The following VASN variants were observed in gnomAD, a reference collection of about 807,000 sequenced individuals.
VASN encodes the protein protein slit-like 2.
VASN carries 5 observed loss-of-function variants against 4.8 expected under a neutral mutation model. The ratio of observed to expected loss-of-function variants is 1.03; its 90% confidence interval spans 0.54 to 2.17. The LOEUF (loss-of-function observed/expected upper bound fraction) is 2.17. VASN is among the 30% of genes most tolerant of loss of function. VASN has a pLI of 0.01. For synonymous variants in VASN, 499 were observed against 460.8 expected, an observed-to-expected ratio of 1.08 and a Z score of -1.06; for missense variants, 927 against 948.8, an observed-to-expected ratio of 0.98 and a Z score of 0.30.
At chr16:4,379,124 C>T (rs1395120575) in intron 1 of VASN, among the ~76,000 whole-genome samples, 1 of 151,928 alleles carries the variant, frequency 6.6e-6, no homozygotes, top group Non-Finnish European at 1.5e-5. Context: ...ACGGGTCCCC[C>T]CAGCCTGGGG....
Position 4,382,834 on chromosome 16 carries a change from G to A in VASN, c.1957G>A (p.Val653Met), listed in dbSNP as rs764710498. 1.8e-5 allele frequency: 29 copies of A among 1,598,808 alleles called. No homozygotes were observed. Among genetic ancestry groups the A allele is most frequent in the Non-Finnish European group, 2.5e-5 (29 of 1,173,908 alleles). Reference protein sequence around the residue: ...EALPSGSECEVPLMGFPGPGL... With the variant: ...EALPSGSECEMPLMGFPGPGL... Reference sequence around the variant, plus strand: ...CCTGCCCAGCGGGTCTGAGTGTGAGGTGCCACTCATGGGCTTCCCAGGGCC... The same window carrying A: ...CCTGCCCAGCGGGTCTGAGTGTGAGATGCCACTCATGGGCTTCCCAGGGCC... Residue 653 changes from valine (V) to methionine (M), a missense_variant, in exon 2 of 2, where the codon GTG (valine) becomes ATG (methionine). Transcript: ENST00000304735.
In VASN at chr16:4,382,718, A is replaced by C. The variant is rs1359301876; in HGVS notation, c.1841A>C (p.Gln614Pro). The change falls in exon 2 of 2, where the codon CAG becomes CCG. Residue 614 changes from glutamine (Q) to proline (P), a missense_variant. Gln to Pro is a moderately conservative substitution (Grantham distance 76). Coordinates refer to ENST00000304735, the MANE Select transcript of VASN (RefSeq NM_138440.3). ...GCAGCAGCGGCTCAGGACAAAGGGC[A>C]GGTGGGGCCAGGGGCTGGGCCCCTG... ...AMAAAAQDKG[Q>P]VGPGAGPLEL... 6.4e-7 allele frequency: 1 copy of C among 1,551,436 alleles called. No individual in the cohort carries two copies. The highest frequency in any genetic ancestry group is 1.4e-5 in the African/African-American group (1 of 73,272).
Position 4,381,763 on chromosome 16 carries a change from G to C in VASN, c.886G>C (p.Ala296Pro). Residue 296 changes from alanine (A) to proline (P), a missense_variant, in exon 2 of 2, where the codon GCC (alanine) becomes CCC (proline). Transcript: ENST00000304735. ...CCCCCGCCTGCGGCTGCTGGCAGCT[G>C]CCCGCAACCCCTTCAACTGCGTGTG... ...LFPRLRLLAA[A>P]RNPFNCVCPL... The C allele has an allele frequency of 6.2e-7, 1 of 1,602,206 alleles. No individual in the cohort carries two copies. Among genetic ancestry groups the C allele is most frequent in the Non-Finnish European group, 8.5e-7 (1 of 1,179,330 alleles).
Position 4,381,743 on chromosome 16 carries a change from G to T in VASN, c.866G>T (p.Arg289Leu). 1.2e-6 allele frequency: 2 copies of T among 1,604,152 alleles called. No individual in the cohort carries two copies. Among genetic ancestry groups the T allele is most frequent in the Non-Finnish European group, 8.5e-7 (1 of 1,179,352 alleles). ...GGCGACCTCTCGGGCCTCTTCCCCCGCCTGCGGCTGCTGGCAGCTGCCCGC... is the reference window on the plus strand; with the variant it reads ...GGCGACCTCTCGGGCCTCTTCCCCCTCCTGCGGCTGCTGGCAGCTGCCCGC... Reference protein sequence around the residue: ...LPGDLSGLFPRLRLLAAARNP... With the variant: ...LPGDLSGLFPLLRLLAAARNP... The change falls in exon 2 of 2, where the codon CGC becomes CTC. Residue 289 changes from arginine to leucine, a missense_variant. By Grantham distance (102) the Arg-to-Leu change is moderately radical (BLOSUM62 -2). Transcript: ENST00000304735.
chr16:4,378,929 G>A (rs962076770), intron 1 of VASN, among the ~76,000 whole-genome samples: 3 of 152,148 alleles, frequency 2.0e-5, no homozygotes, highest in Admixed American at 6.5e-5. Flanking sequence ...CTGGCAGTGC[G>A]ATACTACACG....
Position 4,383,057 on chromosome 16 carries a change from G to A in VASN, c.*158G>A, listed in dbSNP as rs1023628932. 6 of 795,352 alleles carry A rather than the reference G, an allele frequency of 7.5e-6. No individual in the cohort carries two copies. Among genetic ancestry groups the A allele is most frequent in the African/African-American group, 5.4e-5 (3 of 55,312 alleles). 49.3% of individuals were successfully genotyped at this position (795,352 alleles called of 1,614,324 possible). On this transcript the variant is annotated 3_prime_UTR_variant, in exon 2 of 2. Coordinates refer to ENST00000304735, the MANE Select transcript of VASN (RefSeq NM_138440.3). Reference sequence around the variant, plus strand: ...CTGGGCCCTGTTCCCTCTGGACCTCGGTCTCCTCATCTGTGAGATGCTGTG... The same window carrying A: ...CTGGGCCCTGTTCCCTCTGGACCTCAGTCTCCTCATCTGTGAGATGCTGTG...
At position 4,381,585 on chromosome 16, in the gene VASN, A is replaced by G. The variant is rs1311587057; in HGVS notation, c.708A>G (p.Arg236=). The G allele has an allele frequency of 6.2e-7, 1 of 1,603,546 alleles. No homozygotes were observed. Among genetic ancestry groups the G allele is most frequent in the African/African-American group, 1.3e-5 (1 of 74,702 alleles). The stretch of plus-strand genomic sequence containing the variant: ...TGGAGCGAGTGCCACCTGTGATCCG[A>G]GGCCTCCGGGGCCTGACGCGCCTGC... ...NQLERVPPVI[R]GLRGLTRLRL... Residue 236 remains arginine (R), a synonymous_variant, in exon 2 of 2, where the codon CGA becomes CGG. Transcript: ENST00000304735.
In VASN at chr16:4,380,955, C is replaced by G. The variant is rs548108879; in HGVS notation, c.78C>G (p.Ser26=). 7 of 1,600,634 alleles carry G rather than the reference C, an allele frequency of 4.4e-6. No homozygotes were observed. The Middle Eastern group carries it at 5.0e-4, about 114-fold the overall frequency. Residue 26 remains serine, a synonymous_variant, in exon 2 of 2, where the codon TCC becomes TCG. Coordinates refer to ENST00000304735, the MANE Select transcript of VASN (RefSeq NM_138440.3). ...GGCCTGGGGTGCAGGGCTGCCCATCCGGCTGCCAGTGCAGCCAGCCACAGA... is the reference window on the plus strand; with the variant it reads ...GGCCTGGGGTGCAGGGCTGCCCATCGGGCTGCCAGTGCAGCCAGCCACAGA... ...ALGPGVQGCP[S]GCQCSQPQTV...
In VASN at chr16:4,383,382, T is replaced by A. The variant is rs910949282; in HGVS notation, c.*483T>A. 29 of 169,006 alleles carry A rather than the reference T, an allele frequency of 1.7e-4. 1 individual carries two copies. Among genetic ancestry groups the A allele is most frequent in the South Asian group, 2.1e-4 (1 of 4,850 alleles). 10.5% of individuals were successfully genotyped at this position (169,006 alleles called of 1,614,324 possible). On this transcript the variant is annotated 3_prime_UTR_variant, in exon 2 of 2. Transcript: ENST00000304735. ...GCTTTAGGAACATGTTTTGCTTTTT[T>A]AAAATATATATATATTTATAAGAGA...
rs1429261366 is a variant in VASN, at chr16:4,380,835, C to T, written c.-9-34C>T. On this transcript the variant is annotated intron_variant, in intron 1 of 1. Transcript: ENST00000304735. ...GTCTGCCTTCTAGGCCCCTGACTCA[C>T]AGTCTTCTGTCTCTGCCTCCTCTCT... The T allele has an allele frequency of 2.1e-6, 3 of 1,436,734 alleles. No homozygotes were observed. The South Asian group carries it at 4.4e-5, about 21-fold the overall frequency. 89.0% of individuals were successfully genotyped at this position (1,436,734 alleles called of 1,614,324 possible).
rs758044 is a variant in VASN at position 4,381,201 on chromosome 16, A to G, written c.324A>G (p.Thr108=). The G allele has an allele frequency of 0.77, 1,242,295 of 1,610,932 alleles. 481,786 individuals carry two copies. The highest frequency in any genetic ancestry group is 0.81 in the East Asian group (36,141 of 44,690). The change falls in exon 2 of 2, where the codon ACA becomes ACG. Residue 108 remains threonine, a synonymous_variant. Coordinates refer to ENST00000304735, the MANE Select transcript of VASN (RefSeq NM_138440.3). ...CCAACCTCAGCAACCTGGACCTGAC[A>G]GCCAACAGGCTGCATGAAATCACCA... is the stretch of plus-strand genomic sequence containing the variant. ...PLANLSNLDL[T]ANRLHEITNE... is the part of the protein sequence containing the mutation.
Position 4,382,388 on chromosome 16 carries a change from C to T in VASN, c.1511C>T (p.Pro504Leu). ...LRLTYRNLSG[P>L]DKRLVTLRLP... is the part of the protein sequence containing the mutation. ...CTCACCTATCGCAACCTATCGGGCC[C>T]TGATAAGCGGCTGGTGACGCTGCGA... Residue 504 changes from proline (P) to leucine (L), a missense_variant, in exon 2 of 2, where the codon CCT (proline) becomes CTT (leucine). By Grantham distance (98) the Pro-to-Leu change is moderately conservative (BLOSUM62 -3). Transcript: ENST00000304735. 3 of 1,612,238 alleles carry T rather than the reference C, an allele frequency of 1.9e-6. No individual in the cohort carries two copies. The highest frequency in any genetic ancestry group is 2.5e-6 in the Non-Finnish European group (3 of 1,179,784).
chr16:4,383,155 C>A lies in VASN; in HGVS notation c.*256C>A. The A allele has an allele frequency of 2.2e-6, 1 of 459,164 alleles. No individual in the cohort carries two copies. Among genetic ancestry groups the A allele is most frequent in the Non-Finnish European group, 3.9e-6 (1 of 255,174 alleles). 28.4% of individuals were successfully genotyped at this position (459,164 alleles called of 1,614,324 possible). A position where few individuals can be genotyped will look rare whatever the true frequency, so the allele number is the denominator to read the frequency against. On this transcript the variant is annotated 3_prime_UTR_variant, in exon 2 of 2. Transcript: ENST00000304735. The stretch of plus-strand genomic sequence containing the variant: ...ACAGTGTCCGCCCTGCCCTCCGCAA[C>A]GTGCAGTCCCTGGGCACGGCGGGCC...
chr16:4,372,201 C>T (rs1375435756), intron 1 of VASN, among the ~76,000 whole-genome samples: 3 of 152,116 alleles, frequency 2.0e-5, no homozygotes, highest in Non-Finnish European at 2.9e-5. Context: ...AGCCCCGCGG[C>T]CGGCCAGGGT....
intron 1 of VASN, among the ~76,000 whole-genome samples, chr16:4,375,037 C>T (rs1246856254): frequency 6.6e-6 from 1 of 152,118 alleles, no homozygotes; most frequent in Non-Finnish European, 1.5e-5. Flanking sequence ...TGGCCCATTT[C>T]TAGTTGGGCT....
In VASN at chr16:4,382,342, G is replaced by T; in HGVS notation, c.1465G>T (p.Val489Leu). 6.2e-7 allele frequency: 1 copy of T among 1,611,618 alleles called. No individual in the cohort carries two copies. The highest frequency in any genetic ancestry group is 1.1e-5 in the South Asian group (1 of 90,932). ...GLQRYLQGSS[V>L]QLRSLRLTYR... is the part of the protein sequence containing the mutation. ...GCAGCGCTACCTCCAGGGGAGCTCCGTGCAGCTCAGGAGCCTCCGTCTCAC... is the reference window on the plus strand; with the variant it reads ...GCAGCGCTACCTCCAGGGGAGCTCCTTGCAGCTCAGGAGCCTCCGTCTCAC... The change falls in exon 2 of 2, where the codon GTG becomes TTG. Residue 489 changes from valine to leucine, a missense_variant. Physicochemically the swap from Val to Leu is conservative, Grantham distance 32. Transcript: ENST00000304735.
Position 4,381,772 on chromosome 16 carries a change from C to T in VASN, c.895C>T (p.Pro299Ser), listed in dbSNP as rs1159300769. 1 of 1,601,486 alleles carries T rather than the reference C, an allele frequency of 6.2e-7. No homozygotes were observed. The highest frequency in any genetic ancestry group is 8.5e-7 in the Non-Finnish European group (1 of 1,179,368). ...GCGGCTGCTGGCAGCTGCCCGCAAC[C>T]CCTTCAACTGCGTGTGCCCCCTGAG... ...RLRLLAAARN[P>S]FNCVCPLSWF... Residue 299 changes from proline (P) to serine (S), a missense_variant, in exon 2 of 2, where the codon CCC (proline) becomes TCC (serine). Coordinates refer to ENST00000304735, the MANE Select transcript of VASN (RefSeq NM_138440.3).
At chr16:4,377,658 G>A (rs921446868) in intron 1 of VASN, among the ~76,000 whole-genome samples, 2 of 152,168 alleles carry the variant, frequency 1.3e-5, no homozygotes, top group African/African-American at 4.8e-5. Context: ...GGTTCCTCTC[G>A]GGGCTGGCTG....
intron 1 of VASN, among the ~76,000 whole-genome samples, 166 bp from the exon 2 acceptor site, chr16:4,380,703 G>A (rs1430153272): frequency 6.6e-6 from 1 of 152,248 alleles, no homozygotes; most frequent in Non-Finnish European, 1.5e-5. Flanking sequence ...GAGTGACGGG[G>A]CTGGGACAGA....
Sources: gnomAD v4.1 joint callset for allele counts (sites outside exome capture counted in the v4.1 genomes callset) on GRCh38, gnomAD v4.1.1 for gene constraint, MANE v1.5 for transcripts, NCBI Gene and HGNC (gene_info 2026-07-23, HGNC 2026-07-21) for gene names.